Variants in PLCL2 observed in about 807,000 individuals in gnomAD.
PLCL2 encodes the protein phospholipase C like 2, also known as inactive phospholipase C-like protein 2.
PLCL2 carries 4 observed loss-of-function variants against 79.6 expected under a neutral mutation model. That is an observed-to-expected ratio of 0.05 (90% confidence interval 0.02 to 0.11). The LOEUF is 0.11. Ranked by LOEUF, PLCL2 falls within the 10% of genes least tolerant of loss-of-function variation. The probability of loss-of-function intolerance (pLI) is 1.00; values close to 1 mark genes in which losing one functional copy is unlikely to be tolerated. For synonymous variants in PLCL2, 484 were observed against 457.7 expected (o/e 1.06, Z -0.73); for missense variants, 895 against 1,291.0 (o/e 0.69, Z 4.70).
chr3:16,943,204 C>T (rs113212592), intron 1 of PLCL2, among the ~76,000 whole-genome samples: 14 of 152,288 alleles, frequency 9.2e-5, no homozygotes, highest in African/African-American at 3.1e-4. Flanking sequence ...TGAATAATAT[C>T]CTTGTGCTTC....
chr3:16,983,719 A>G (rs2064022421), intron 1 of PLCL2, among the ~76,000 whole-genome samples: 1 of 152,240 alleles, frequency 6.6e-6, no homozygotes, highest in Admixed American at 6.5e-5. Context: ...AATTTATAAT[A>G]CTAATAATGA....
At chr3:16,978,058 T>C (rs1372507631) in intron 1 of PLCL2, among the ~76,000 whole-genome samples, 1 of 152,174 alleles carries the variant, frequency 6.6e-6, no homozygotes, top group Non-Finnish European at 1.5e-5. Context: ...GGTTACAACA[T>C]CTGAATTTTA....
chr3:16,985,455 G>A (rs2064040075), intron 1 of PLCL2, among the ~76,000 whole-genome samples: 1 of 152,046 alleles, frequency 6.6e-6, no homozygotes, highest in African/African-American at 2.4e-5. Flanking sequence ...TGTGATATTC[G>A]ATATTGCACA....
chr3:17,047,250 C>T (rs2064789811), intron 4 of PLCL2, among the ~76,000 whole-genome samples: 1 of 152,206 alleles, frequency 6.6e-6, no homozygotes, highest in Non-Finnish European at 1.5e-5. Flanking sequence ...GATGTGATCC[C>T]ACACCCACAA....
chr3:16,984,917 G>C (rs1246396440), intron 1 of PLCL2, among the ~76,000 whole-genome samples: 1 of 150,704 alleles, frequency 6.6e-6, no homozygotes, highest in Non-Finnish European at 1.5e-5. Flanking sequence ...GGGCAACAGA[G>C]CGAGACTACG....
chr3:16,992,285 G>A (rs1417886900), intron 1 of PLCL2, among the ~76,000 whole-genome samples: 1 of 152,110 alleles, frequency 6.6e-6, no homozygotes, highest in East Asian at 1.9e-4. Flanking sequence ...GAACAGCCCA[G>A]CCATCAGTGC....
At chr3:16,933,189 C>T (rs976889379) in intron 1 of PLCL2, 28 of 154,884 alleles carry the variant, frequency 1.8e-4, no homozygotes, top group African/African-American at 4.3e-4. Flanking sequence ...AAAGCAGACC[C>T]GAGAGAGAAG....
At chr3:17,017,503 T>C (rs1445002192) in intron 3 of PLCL2, among the ~76,000 whole-genome samples, 6 of 152,164 alleles carry the variant, frequency 3.9e-5, no homozygotes, top group African/African-American at 7.2e-5. Context: ...ATAGATTAAA[T>C]ATTGATGGGA....
intron 1 of PLCL2, among the ~76,000 whole-genome samples, chr3:16,930,935 G>A (rs1317391620): frequency 6.6e-6 from 1 of 152,118 alleles, no homozygotes. Flanking sequence ...CATTTTCCAA[G>A]ATGATATTCT....
Position 16,925,792 on chromosome 3 carries a change from A to G in PLCL2, c.327+40426A>G, listed in dbSNP as rs190591562. Among the ~76,000 whole-genome samples, 14 of 152,290 alleles carry G rather than the reference A, an allele frequency of 9.2e-5. No homozygotes were observed. The South Asian group carries it at 1.2e-3, about 14-fold the overall frequency. On this transcript the variant is annotated intron_variant, in intron 1 of 5. Transcript: ENST00000615277. ...TCATCAGTTAAAGAACATGTGAGTT[A>G]TTTCTACCTTTTGGCTATTATGGAC...
intron 1 of PLCL2, among the ~76,000 whole-genome samples, chr3:17,004,115 T>C (rs1375696025): frequency 6.6e-6 from 1 of 152,166 alleles, no homozygotes; most frequent in Non-Finnish European, 1.5e-5. Flanking sequence ...GAGGGGCGTG[T>C]CACTCTTTGA....
chr3:16,951,698 A>G (rs1457085987), intron 1 of PLCL2, among the ~76,000 whole-genome samples: 1 of 152,112 alleles, frequency 6.6e-6, no homozygotes, highest in African/African-American at 2.4e-5. Flanking sequence ...GATTTAGTGT[A>G]TAGTGCACAC....
intron 1 of PLCL2, among the ~76,000 whole-genome samples, chr3:16,986,130 G>A (rs1301117422): frequency 2.0e-5 from 3 of 151,864 alleles, no homozygotes; most frequent in Non-Finnish European, 2.9e-5. Context: ...CAACCCAACT[G>A]AGGAAAAAAA....
chr3:17,078,673 G>A (rs1289507267), intron 5 of PLCL2, among the ~76,000 whole-genome samples: 3 of 151,992 alleles, frequency 2.0e-5, no homozygotes, highest in Admixed American at 2.0e-4. Context: ...TAAACCAGAT[G>A]GTTTTTGCAC....
At chr3:16,960,798 C>T (rs1338671594) in intron 1 of PLCL2, among the ~76,000 whole-genome samples, 1 of 152,190 alleles carries the variant, frequency 6.6e-6, no homozygotes, top group African/African-American at 2.4e-5. Flanking sequence ...ATTATAGGCT[C>T]CATTTTCCTA....
At chr3:16,899,445 A>G (rs528369542) in intron 1 of PLCL2, among the ~76,000 whole-genome samples, 1 of 152,170 alleles carries the variant, frequency 6.6e-6, no homozygotes, top group Non-Finnish European at 1.5e-5. Context: ...TCTGTGCAGA[A>G]GTTCACACCA....
At chr3:16,992,671 T>C (rs939306161) in intron 1 of PLCL2, among the ~76,000 whole-genome samples, 4 of 152,132 alleles carry the variant, frequency 2.6e-5, no homozygotes, top group African/African-American at 9.7e-5. Flanking sequence ...GTGGCCACAT[T>C]GTCCTCCCCA....
intron 1 of PLCL2, among the ~76,000 whole-genome samples, chr3:16,976,648 A>G (rs1234392031): frequency 6.6e-6 from 1 of 152,360 alleles, no homozygotes; most frequent in East Asian, 1.9e-4. Flanking sequence ...AAAATTAACC[A>G]TCACAACAAC....
intron 3 of PLCL2, among the ~76,000 whole-genome samples, chr3:17,037,709 A>G (rs4685420): frequency 6.6e-6 from 1 of 152,018 alleles, no homozygotes; most frequent in Non-Finnish European, 1.5e-5. Flanking sequence ...ACCCAAGTAT[A>G]TAAAATTATT....
Sources: allele counts gnomAD v4.1 joint callset (sites outside exome capture counted in the v4.1 genomes callset), GRCh38; gene constraint gnomAD v4.1.1; transcripts MANE v1.5; gene names NCBI Gene and HGNC (gene_info 2026-07-23, HGNC 2026-07-21).